The following ARHGEF37 variants were observed in gnomAD, a reference collection of about 807,000 sequenced individuals.
ARHGEF37 encodes Rho guanine nucleotide exchange factor (GEF) 37.
A neutral mutation model predicts 71.1 loss-of-function variants in ARHGEF37; 55 were observed. The observed-to-expected ratio is 0.77, with a 90% CI of 0.62 to 0.97. The LOEUF is 0.97. Ranked by LOEUF, ARHGEF37 falls within the 50% of genes least tolerant of loss-of-function variation. ARHGEF37 has a pLI of 0.00. For synonymous variants in ARHGEF37, 327 were observed against 350.6 expected, an observed-to-expected ratio of 0.93 and a Z score of 0.75; for missense variants, 765 against 836.8, an observed-to-expected ratio of 0.91 and a Z score of 1.06.
At position 149,582,552 on chromosome 5, in the gene ARHGEF37, CTT is replaced by C. The variant is rs533724229; in HGVS notation, c.-12+929_-12+930del. ...TTAAGAATGAACATAAAGGCTAGTG[CTT>C]GACATAATATATGCTCAATAAAAGT... On this transcript the variant is annotated intron_variant, in intron 1 of 12. Transcript: ENST00000333677. Among the ~76,000 whole-genome samples the C allele has an allele frequency of 1.2e-3, 178 of 152,136 alleles. 1 individual carries two copies. Among genetic ancestry groups the C allele is most frequent in the Non-Finnish European group, 2.1e-3 (140 of 68,014 alleles).
intron 1 of ARHGEF37, among the ~76,000 whole-genome samples, chr5:149,583,807 G>A (rs562134587): frequency 3.9e-5 from 6 of 152,144 alleles, no homozygotes; most frequent in Non-Finnish European, 8.8e-5. Context: ...TGTCACCCAG[G>A]CTGAGTGCAG....
At chr5:149,558,228 C>A (rs762915522) in intron 1 of ARHGEF37, among the ~76,000 whole-genome samples, 1 of 152,004 alleles carries the variant, frequency 6.6e-6, no homozygotes, top group African/African-American at 2.4e-5. Flanking sequence ...AGGGACTGAC[C>A]GGGCACCATG....
intron 1 of ARHGEF37, among the ~76,000 whole-genome samples, chr5:149,568,484 C>G (rs751738830): frequency 6.6e-6 from 1 of 152,076 alleles, no homozygotes; most frequent in Non-Finnish European, 1.5e-5. Context: ...GTGTGCAATT[C>G]TCTGAGCTTT....
At chr5:149,622,495 T>C (rs564086937) in intron 9 of ARHGEF37, among the ~76,000 whole-genome samples, 9 of 152,356 alleles carry the variant, frequency 5.9e-5, no homozygotes, top group Admixed American at 5.9e-4. Context: ...TGTACCTGTT[T>C]GGAGCACTCT....
In ARHGEF37 at chr5:149,600,557, A is replaced by T. The variant is rs1476240125; in HGVS notation, c.187-551A>T. Among the ~76,000 whole-genome samples the T allele has an allele frequency of 3.9e-5, 6 of 152,082 alleles. No homozygotes were observed. The East Asian group carries it at 1.2e-3, about 29-fold the overall frequency. On this transcript the variant is annotated intron_variant, in intron 2 of 12. Coordinates refer to ENST00000333677, the MANE Select transcript of ARHGEF37 (RefSeq NM_001001669.3). ...ACTGAGAGAAGCTAGCTGGCAGCAG[A>T]CCTAGGCTAAAACCCCGGTTCAGCT...
At chr5:149,587,065 G>A (rs556904283) in intron 1 of ARHGEF37, among the ~76,000 whole-genome samples, 3 of 152,304 alleles carry the variant, frequency 2.0e-5, no homozygotes, top group Admixed American at 2.0e-4. Context: ...CAGAAATCCA[G>A]CTCAGAGTGG....
At chr5:149,596,594 C>T (rs7732029) in intron 1 of ARHGEF37, among the ~76,000 whole-genome samples, 39,932 of 152,124 alleles carry the variant, frequency 0.26, 6,005 homozygotes, top group South Asian at 0.42. Flanking sequence ...CGTGAGCCAC[C>T]GCACCCGGGC....
upstream of ARHGEF37, among the ~76,000 whole-genome samples, chr5:149,578,703 A>T (rs1763053380): frequency 6.6e-6 from 1 of 152,226 alleles, no homozygotes; most frequent in African/African-American, 2.4e-5. Flanking sequence ...AGTGAAAGCG[A>T]ACCCTTTTTT....
chr5:149,583,950 G>A (rs1027050313), intron 1 of ARHGEF37, among the ~76,000 whole-genome samples: 4 of 152,044 alleles, frequency 2.6e-5, no homozygotes, highest in African/African-American at 9.7e-5. Flanking sequence ...TGTAGACACG[G>A]GGTCTTGCTA....
At chr5:149,619,428 CA>C (rs1392733850) in intron 7 of ARHGEF37, among the ~76,000 whole-genome samples, 1 of 152,196 alleles carries the variant, frequency 6.6e-6, no homozygotes, top group Non-Finnish European at 1.5e-5. Context: ...TAGTGTCTAA[CA>C]GGCTGTTTAT....
intron 1 of ARHGEF37, among the ~76,000 whole-genome samples, chr5:149,569,434 C>T (rs1194916578): frequency 1.3e-5 from 2 of 152,230 alleles, no homozygotes; most frequent in South Asian, 2.1e-4. Context: ...ATTCTCCTGC[C>T]TCAGCCTCCC....
rs552512285 is a variant in ARHGEF37, at chr5:149,628,608, G to GC, written c.1661-195dup. Among the ~76,000 whole-genome samples, 18 of 152,306 alleles carry GC rather than the reference G, an allele frequency of 1.2e-4. No homozygotes were observed. In the East Asian group the frequency reaches 3.5e-3, roughly 29 times the overall value. On this transcript the variant is annotated intron_variant, in intron 11 of 12. Transcript: ENST00000333677. ...GAGTCGTCTGTCCGGTAGGGAATGA[G>GC]CCCCCCATCACTGGGGTGTGTGAGC...
rs147681566 is a variant in ARHGEF37, at chr5:149,569,777, C to G, written c.-12+17654C>G. ...CTGGGATTACAGGTGCGCACCACCA[C>G]GCCCGGCTAATTTTTGTATTTTTAG... On this transcript the variant is annotated intron_variant, in intron 1 of 2. Transcript: ENST00000505810. 6.1e-3 allele frequency among the ~76,000 whole-genome samples: 926 copies of G among 152,218 alleles called. 1 individual carries two copies. The highest frequency in any genetic ancestry group is 0.011 in the Non-Finnish European group (723 of 68,006).
At chr5:149,552,653 C>A (rs757484254) in intron 1 of ARHGEF37, among the ~76,000 whole-genome samples, 10 of 152,098 alleles carry the variant, frequency 6.6e-5, no homozygotes, top group Non-Finnish European at 1.0e-4. Flanking sequence ...GCCTGGCCAA[C>A]ATGATGAAAC....
At chr5:149,609,745 C>T in intron 4 of ARHGEF37, 50 bp downstream of exon 4, 1 of 1,608,452 alleles carries the variant, frequency 6.2e-7, no homozygotes, top group Non-Finnish European at 8.5e-7. Context: ...TGACCCGGTT[C>T]AGGAGCAGCT....
In ARHGEF37 at chr5:149,616,607, A is replaced by G. The variant is rs1378288619; in HGVS notation, c.499A>G (p.Ile167Val). Residue 167 changes from isoleucine (I) to valine (V), a missense_variant, in exon 5 of 13, where the codon ATT (isoleucine) becomes GTT (valine). Ile to Val is a conservative substitution (Grantham distance 29). Coordinates refer to ENST00000333677, the MANE Select transcript of ARHGEF37 (RefSeq NM_001001669.3). ...TTCAGGCCTCAGTTTCTTGCTGGTA[A>G]TTCCTCTGCAGAGGATCACCAGGTA... ...GSSGLSFLLV[I>V]PLQRITRYPL... 1.2e-6 allele frequency: 2 copies of G among 1,611,902 alleles called. No homozygotes were observed. Among genetic ancestry groups the G allele is most frequent in the Admixed American group, 1.7e-5 (1 of 59,986 alleles).
chr5:149,572,117 C>T (rs544400266), intron 1 of ARHGEF37, among the ~76,000 whole-genome samples: 1 of 152,110 alleles, frequency 6.6e-6, no homozygotes, highest in South Asian at 2.1e-4. Flanking sequence ...ATACCTTGAA[C>T]TGAATAGAGA....
In ARHGEF37 at chr5:149,589,305, A is replaced by C. The variant is rs559808148; in HGVS notation, c.-12+7681A>C. Among the ~76,000 whole-genome samples, 11 of 151,240 alleles carry C rather than the reference A, an allele frequency of 7.3e-5. No individual in the cohort carries two copies. In the South Asian group the frequency reaches 2.1e-3, roughly 29 times the overall value. On this transcript the variant is annotated intron_variant, in intron 1 of 12. Coordinates refer to ENST00000333677, the MANE Select transcript of ARHGEF37 (RefSeq NM_001001669.3). ...TTTTTAAAAGTTTTATTATGTTTTT[A>C]ATTGACACATAATGTTTTATTAATT...
At chr5:149,631,730 T>C (rs1169293042) in intron 12 of ARHGEF37, among the ~76,000 whole-genome samples, 5 of 152,122 alleles carry the variant, frequency 3.3e-5, no homozygotes, top group Non-Finnish European at 7.3e-5. Flanking sequence ...ATGCAGCAAA[T>C]AGAATGATAG....
Sources: allele counts gnomAD v4.1 joint callset (sites outside exome capture counted in the v4.1 genomes callset), GRCh38; gene constraint gnomAD v4.1.1; transcripts MANE v1.5; gene names NCBI Gene and HGNC (gene_info 2026-07-23, HGNC 2026-07-21).